CPE: variants seen among roughly 807,000 people sequenced by gnomAD.
CPE encodes the protein carbocypeptidase E.
Under a neutral mutation model 53.5 loss-of-function variants are expected in CPE, and 17 were observed. The observed-to-expected ratio is 0.32, with a 90% CI of 0.22 to 0.48. The LOEUF (loss-of-function observed/expected upper bound fraction) is 0.48, where lower values mean the gene tolerates loss of function less well. CPE is among the 20% of genes least tolerant of loss of function. The probability of loss-of-function intolerance (pLI) is 0.99; values close to 1 mark genes in which losing one functional copy is unlikely to be tolerated. For synonymous variants in CPE, 226 were observed against 228.8 expected (o/e 0.99, Z 0.11); for missense variants, 524 against 614.7 (o/e 0.85, Z 1.56).
chr4:165,447,151 G>A (rs1184147464), intron 1 of CPE, among the ~76,000 whole-genome samples: 1 of 152,240 alleles, frequency 6.6e-6, no homozygotes, highest in Non-Finnish European at 1.5e-5. Flanking sequence ...TACCATGACT[G>A]TAGGACTGAA....
chr4:165,379,428 G>T lies in CPE; in HGVS notation c.207G>T (p.Gln69His). Residue 69 changes from glutamine (Q) to histidine (H), a missense_variant, in exon 1 of 9, where the codon CAG (glutamine) becomes CAT (histidine). Physicochemically the swap from Gln to His is conservative, Grantham distance 24. Transcript: ENST00000402744. The surrounding 1 kb of genome is among the most constrained non-coding windows in gnomAD (Gnocchi z 6.0). ...LREALVSVWL[Q>H]CTAISRIYTV... Reference sequence around the variant, plus strand: ...AGGCGCTCGTGTCCGTGTGGCTGCAGTGCACCGCCATCAGCAGGATTTACA... The same window carrying T: ...AGGCGCTCGTGTCCGTGTGGCTGCATTGCACCGCCATCAGCAGGATTTACA... 6.2e-7 allele frequency: 1 copy of T among 1,610,342 alleles called. No individual in the cohort carries two copies. The highest frequency in any genetic ancestry group is 8.5e-7 in the Non-Finnish European group (1 of 1,178,936).
chr4:165,452,146 G>T (rs1483155915), intron 1 of CPE, among the ~76,000 whole-genome samples: 1 of 152,112 alleles, frequency 6.6e-6, no homozygotes, highest in Non-Finnish European at 1.5e-5. Context: ...GATACTAGAG[G>T]TTGGGAAGGG....
intron 1 of CPE, among the ~76,000 whole-genome samples, chr4:165,426,891 A>G (rs1301833092): frequency 6.6e-6 from 1 of 152,218 alleles, no homozygotes; most frequent in Non-Finnish European, 1.5e-5. Context: ...GAAAGAAGAA[A>G]GCTCTTCGAG....
intron 1 of CPE, among the ~76,000 whole-genome samples, chr4:165,392,193 T>C (rs28547097): frequency 0.012 from 1,746 of 147,132 alleles, 29 homozygotes; most frequent in African/African-American, 0.038. Context: ...AATATACTTA[T>C]ATATATATAG....
At chr4:165,465,207 CATTAT>C (rs1732075964) in intron 2 of CPE, among the ~76,000 whole-genome samples, 1 of 151,958 alleles carries the variant, frequency 6.6e-6, no homozygotes, top group Non-Finnish European at 1.5e-5. Context: ...GGGCGGGGGA[CATTAT>C]ATTTGCTGTT....
chr4:165,408,088 ATCT>A (rs1730980761), intron 1 of CPE, among the ~76,000 whole-genome samples: 2 of 152,128 alleles, frequency 1.3e-5, no homozygotes, highest in Admixed American at 1.3e-4. Flanking sequence ...ATTTGCAAAA[ATCT>A]TCTCCCATTC....
At chr4:165,403,831 A>G (rs1230821119) in intron 1 of CPE, among the ~76,000 whole-genome samples, 2 of 152,182 alleles carry the variant, frequency 1.3e-5, no homozygotes, top group South Asian at 2.1e-4. Context: ...CAGGGCTTAT[A>G]CAATGAGCAC....
chr4:165,408,044 G>A (rs1443476085), intron 1 of CPE, among the ~76,000 whole-genome samples: 5 of 152,000 alleles, frequency 3.3e-5, no homozygotes, highest in Admixed American at 2.0e-4. Context: ...AGCTCCCTAC[G>A]TATCCTGGAA....
At chr4:165,477,452 T>C (rs1332182729) in intron 3 of CPE, among the ~76,000 whole-genome samples, 1 of 152,234 alleles carries the variant, frequency 6.6e-6, no homozygotes, top group African/African-American at 2.4e-5. Context: ...CATGGGGTGA[T>C]ATTGCCTATG....
At chr4:165,387,950 T>C (rs1333971124) in intron 1 of CPE, among the ~76,000 whole-genome samples, 9 of 152,186 alleles carry the variant, frequency 5.9e-5, no homozygotes, top group Non-Finnish European at 1.2e-4. Flanking sequence ...TGGTTATGCA[T>C]GTCAAGGTAA....
chr4:165,456,169 T>C (rs918675569), intron 1 of CPE, among the ~76,000 whole-genome samples: 4 of 152,200 alleles, frequency 2.6e-5, no homozygotes, highest in Non-Finnish European at 5.9e-5. Flanking sequence ...GAATTTTGAA[T>C]ATCTGATATT....
At chr4:165,464,663 T>G in intron 2 of CPE, 77 bp downstream of exon 2, 1 of 1,298,642 alleles carries the variant, frequency 7.7e-7, no homozygotes, top group Non-Finnish European at 1.0e-6. Flanking sequence ...TATCTAAAAA[T>G]TATGCCCTCG....
At chr4:165,477,578 C>G (rs926195673) in intron 3 of CPE, among the ~76,000 whole-genome samples, 12 of 152,118 alleles carry the variant, frequency 7.9e-5, no homozygotes, top group African/African-American at 2.9e-4. Context: ...TTCCTCTTCC[C>G]TCTTCCCCTT....
chr4:165,446,640 G>A (rs1021441281), intron 1 of CPE, among the ~76,000 whole-genome samples: 4 of 152,102 alleles, frequency 2.6e-5, no homozygotes, highest in East Asian at 1.9e-4. Context: ...GAGCCACTGC[G>A]CCCGGCCTAG....
intron 1 of CPE, among the ~76,000 whole-genome samples, chr4:165,388,161 G>A (rs1730627698): frequency 6.6e-6 from 1 of 152,112 alleles, no homozygotes; most frequent in African/African-American, 2.4e-5. Context: ...CCAAGAAATA[G>A]CTTATTTCTA....
At chr4:165,473,043 G>A (rs1054789938) in intron 3 of CPE, among the ~76,000 whole-genome samples, 1 of 152,184 alleles carries the variant, frequency 6.6e-6, no homozygotes, top group South Asian at 2.1e-4. Context: ...CGGGCCTCAC[G>A]TAGCTTTAAA....
chr4:165,385,723 C>G (rs568823666), intron 1 of CPE, among the ~76,000 whole-genome samples: 3 of 152,302 alleles, frequency 2.0e-5, no homozygotes, highest in African/African-American at 7.2e-5. Context: ...CTCAATAGGA[C>G]ACTCAATAGG....
intron 1 of CPE, among the ~76,000 whole-genome samples, chr4:165,434,108 G>T (rs1731456418): frequency 9.0e-6 from 1 of 110,816 alleles, no homozygotes; most frequent in South Asian, 2.7e-4. Context: ...TTTTCTACTA[G>T]ATCCATACTT....
At chr4:165,481,167 A>G (rs1036819460) in intron 3 of CPE, among the ~76,000 whole-genome samples, 14 of 152,284 alleles carry the variant, frequency 9.2e-5, no homozygotes, top group Middle Eastern at 3.4e-3. Flanking sequence ...GATACACTAG[A>G]AACAGCGTGA....
Sources: allele counts gnomAD v4.1 joint callset (sites outside exome capture counted in the v4.1 genomes callset), GRCh38; gene constraint gnomAD v4.1.1; non-coding constraint Gnocchi (gnomAD v3.1); transcripts MANE v1.5; gene names NCBI Gene and HGNC (gene_info 2026-07-23, HGNC 2026-07-21).